ALOX5: variants seen among roughly 807,000 people sequenced by gnomAD.
The protein encoded by ALOX5 is arachidonate 5-lipoxygenase, also known as polyunsaturated fatty acid 5-lipoxygenase.
A neutral mutation model predicts 87.9 loss-of-function variants in ALOX5; 64 were observed. The ratio of observed to expected loss-of-function variants is 0.73; its 90% CI spans 0.60 to 0.90. The LOEUF is 0.90. Among genes scored for constraint, ALOX5 ranks in the 40% least tolerant of loss-of-function variants. ALOX5 has a pLI of 0.00. For missense variants in ALOX5, 822 were observed against 907.5 expected, an observed-to-expected ratio of 0.91 and a Z score of 1.21; for synonymous variants, 388 against 355.1, an observed-to-expected ratio of 1.09 and a Z score of -1.04.
rs1841680147 is a variant in ALOX5, at chr10:45,425,705, A to T, written c.834+573A>T. ...CTAGTCTTGAGACAGAAGAAGTTCA[A>T]ACCAACTCCACCTGGATCTGGTGGG... On this transcript the variant is annotated intron_variant, in intron 6 of 13. Transcript: ENST00000374391. This position sits in a 1 kb window ranked among gnomAD's most constrained non-coding sequence, Gnocchi z 4.4. Among the ~76,000 whole-genome samples, 1 of 152,190 alleles carries T rather than the reference A, an allele frequency of 6.6e-6. No individual in the cohort carries two copies. The highest frequency in any genetic ancestry group is 1.5e-5 in the Non-Finnish European group (1 of 68,034).
intron 6 of ALOX5, among the ~76,000 whole-genome samples, chr10:45,427,834 G>T (rs1332812125): frequency 6.6e-6 from 1 of 152,144 alleles, no homozygotes; most frequent in African/African-American, 2.4e-5. Flanking sequence ...CGGCACGCTC[G>T]TTGCGTGTCG....
At chr10:45,410,124 T>A (rs1370338776) in intron 3 of ALOX5, among the ~76,000 whole-genome samples, 1 of 152,276 alleles carries the variant, frequency 6.6e-6, no homozygotes, top group Non-Finnish European at 1.5e-5. Flanking sequence ...CTAGCTCCAC[T>A]GAGCTTTTAA....
chr10:45,432,411 C>A (rs1841935900), intron 7 of ALOX5, among the ~76,000 whole-genome samples: 1 of 150,910 alleles, frequency 6.6e-6, no homozygotes, highest in Admixed American at 6.6e-5. Context: ...ACTTTCCTTG[C>A]TGGATTTGTA....
intron 1 of ALOX5, among the ~76,000 whole-genome samples, chr10:45,380,485 C>G (rs145063305): frequency 2.0e-5 from 3 of 152,238 alleles, no homozygotes; most frequent in Non-Finnish European, 4.4e-5. Flanking sequence ...AGGAAGCCCT[C>G]CAGGGGTCCT....
intron 2 of ALOX5, among the ~76,000 whole-genome samples, chr10:45,386,555 C>G (rs1564413232): frequency 6.6e-6 from 1 of 151,610 alleles, no homozygotes; most frequent in African/African-American, 2.4e-5. Context: ...CTTAACAGAA[C>G]AATTTTGTGA....
At chr10:45,404,220 G>T (rs545947589) in intron 3 of ALOX5, among the ~76,000 whole-genome samples, 3 of 152,070 alleles carry the variant, frequency 2.0e-5, no homozygotes, top group South Asian at 2.1e-4. Flanking sequence ...CTTTGCTTCC[G>T]TTCAGGAAAC....
intron 9 of ALOX5, among the ~76,000 whole-genome samples, chr10:45,442,280 T>C (rs569172771): frequency 1.7e-4 from 26 of 152,274 alleles, no homozygotes; most frequent in African/African-American, 6.0e-4. Flanking sequence ...CAGGAGCTCA[T>C]CATAGTAGCT....
chr10:45,407,100 CT>C (rs960676840), intron 3 of ALOX5, among the ~76,000 whole-genome samples: 3 of 152,136 alleles, frequency 2.0e-5, no homozygotes, highest in African/African-American at 7.2e-5. Flanking sequence ...TCCTGTCCCC[CT>C]ACCCATCCCC....
chr10:45,441,446 C>T lies in ALOX5; in HGVS notation c.1272+16C>T, dbSNP rs1408585927. The stretch of plus-strand genomic sequence containing the variant: ...CTTTGACAAGGTGGGTGCCCTCCTA[C>T]CCTACTTGTTGCCTGGAAGAGCCCA... On this transcript the variant is annotated intron_variant, in intron 9 of 13. Coordinates refer to ENST00000374391, the MANE Select transcript of ALOX5 (RefSeq NM_000698.5). The T allele has an allele frequency of 2.5e-6, 4 of 1,610,662 alleles. No individual in the cohort carries two copies. The highest frequency in any genetic ancestry group is 3.3e-5 in the Admixed American group (2 of 59,890).
At chr10:45,389,136 T>G (rs895170298) in intron 2 of ALOX5, among the ~76,000 whole-genome samples, 1 of 151,772 alleles carries the variant, frequency 6.6e-6, no homozygotes, top group Non-Finnish European at 1.5e-5. Context: ...GAAGATAAGT[T>G]TAGAGAAAAA....
At chr10:45,421,097 C>T (rs1260093021) in intron 4 of ALOX5, among the ~76,000 whole-genome samples, 1 of 152,254 alleles carries the variant, frequency 6.6e-6, no homozygotes, top group African/African-American at 2.4e-5. Context: ...GCCTGGTGCC[C>T]TCTCTGGCTT....
intron 3 of ALOX5, among the ~76,000 whole-genome samples, chr10:45,406,174 G>A (rs1589011626): frequency 6.6e-6 from 1 of 152,284 alleles, no homozygotes; most frequent in East Asian, 1.9e-4. Flanking sequence ...GGAAATAACA[G>A]TGCCTTCCTT....
chr10:45,417,844 T>G (rs771405490), intron 4 of ALOX5, among the ~76,000 whole-genome samples: 52 of 152,032 alleles, frequency 3.4e-4, no homozygotes, highest in Non-Finnish European at 4.3e-4. Context: ...ACACCCACCC[T>G]CCCCACTTCT....
intron 3 of ALOX5, among the ~76,000 whole-genome samples, chr10:45,405,393 C>T (rs1008615757): frequency 3.3e-5 from 5 of 152,214 alleles, no homozygotes; most frequent in African/African-American, 1.2e-4. Flanking sequence ...TTGTTTTAGT[C>T]TGCACTCCCC....
At chr10:45,427,225 T>A (rs971931564) in intron 6 of ALOX5, among the ~76,000 whole-genome samples, 1 of 152,222 alleles carries the variant, frequency 6.6e-6, no homozygotes, top group Admixed American at 6.5e-5. Flanking sequence ...GTCTCAAGAT[T>A]GGATTAGCAG....
At chr10:45,429,030 CA>C (rs1175680278) in intron 7 of ALOX5, among the ~76,000 whole-genome samples, 1 of 152,162 alleles carries the variant, frequency 6.6e-6, no homozygotes, top group Non-Finnish European at 1.5e-5. Context: ...GCACCCTGAC[CA>C]AGGGCCCCCA....
rs773768932 is a variant in ALOX5, at chr10:45,412,246, G to T, written c.487G>T (p.Asp163Tyr). 6.2e-7 allele frequency: 1 copy of T among 1,614,150 alleles called. No individual in the cohort carries two copies. The highest frequency in any genetic ancestry group is 1.7e-5 in the Admixed American group (1 of 60,004). The part of the protein sequence containing the change: ...PLSIDAKCHK[D>Y]LPRDIQFDSE... ...GAGCATCGATGCCAAATGCCACAAG[G>T]ATTTACCCCGTGATATCCAGTTTGA... The change falls in exon 4 of 14, where the codon GAT becomes TAT. Residue 163 changes from aspartate (D) to tyrosine (Y), a missense_variant. Coordinates refer to ENST00000374391, the MANE Select transcript of ALOX5 (RefSeq NM_000698.5).
rs1189969340 is a variant in ALOX5, at chr10:45,425,904, G to A, written c.834+772G>A. ...GGCCCTAGTTGGAGAGGGATGGTTG[G>A]TGCCCTTTAGAGATAAACCTACAGC... On this transcript the variant is annotated intron_variant, in intron 6 of 13. Coordinates refer to ENST00000374391, the MANE Select transcript of ALOX5 (RefSeq NM_000698.5). The surrounding 1 kb of genome is among the most constrained non-coding windows in gnomAD (Gnocchi z 4.4). 6.6e-6 allele frequency among the ~76,000 whole-genome samples: 1 copy of A among 152,158 alleles called. No homozygotes were observed. The highest frequency in any genetic ancestry group is 1.5e-5 in the Non-Finnish European group (1 of 68,036).
rs1842200349 is a variant in ALOX5, at chr10:45,440,585, T to A, written c.1137T>A (p.Phe379Leu). The change falls in exon 8 of 14, where the codon TTT (phenylalanine) becomes TTA (leucine). Residue 379 changes from phenylalanine to leucine, a missense_variant. By Grantham distance (22) the Phe-to-Leu change is conservative (BLOSUM62 0). Coordinates refer to ENST00000374391, the MANE Select transcript of ALOX5 (RefSeq NM_000698.5). ...GAACACATCTGGTGTCTGAGGTTTT[T>A]GGCATTGCAATGTACCGCCAGCTGC... Reference protein sequence around the residue: ...LLRTHLVSEVFGIAMYRQLPA... With the variant: ...LLRTHLVSEVLGIAMYRQLPA... The A allele has an allele frequency of 3.7e-6, 6 of 1,614,160 alleles. No individual in the cohort carries two copies. The highest frequency in any genetic ancestry group is 5.1e-6 in the Non-Finnish European group (6 of 1,180,038).
Sources: allele counts gnomAD v4.1 joint callset (sites outside exome capture counted in the v4.1 genomes callset), GRCh38; gene constraint gnomAD v4.1.1; non-coding constraint Gnocchi (gnomAD v3.1); transcripts MANE v1.5; gene names NCBI Gene and HGNC (gene_info 2026-07-23, HGNC 2026-07-21).